The following ZNF804B variants were observed in gnomAD, a reference collection of about 807,000 sequenced individuals.
The protein encoded by ZNF804B is zinc finger protein 804B.
ZNF804B carries 80 observed loss-of-function variants against 101.4 expected under a neutral mutation model. The ratio of observed to expected loss-of-function variants is 0.79; its 90% CI spans 0.66 to 0.95. The LOEUF (loss-of-function observed/expected upper bound fraction) is 0.95. Ranked by LOEUF, ZNF804B falls within the 40% of genes least tolerant of loss-of-function variation. The pLI is 0.00. For synonymous variants in ZNF804B, 622 were observed against 558.8 expected (o/e 1.11, Z -1.59); for missense variants, 1,673 against 1,561.9 (o/e 1.07, Z -1.20).
intron 1 of ZNF804B, among the ~76,000 whole-genome samples, chr7:89,042,195 C>T (rs12538572): frequency 0.047 from 7,099 of 152,160 alleles, 252 homozygotes; most frequent in Admixed American, 0.078. Flanking sequence ...CTGTGCACTT[C>T]GAACAAGTTA....
chr7:89,238,596 A>C (rs2115756519), intron 2 of ZNF804B, among the ~76,000 whole-genome samples: 1 of 152,340 alleles, frequency 6.6e-6, no homozygotes, highest in African/African-American at 2.4e-5. Context: ...GGTGCAGTTA[A>C]AAAATCCCAA....
Position 89,335,718 on chromosome 7 carries a change from A to C in ZNF804B, c.2736A>C (p.Glu912Asp), listed in dbSNP as rs750817794. Residue 912 changes from glutamate to aspartate, a missense_variant, in exon 4 of 4, where the codon GAA becomes GAC. By Grantham distance (45) the Glu-to-Asp change is conservative (BLOSUM62 2). Coordinates refer to ENST00000333190, the MANE Select transcript of ZNF804B (RefSeq NM_181646.5). Reference protein sequence around the residue: ...NCSSGPSETTESNTAEGERTP... With the variant: ...NCSSGPSETTDSNTAEGERTP... ...CCAGTGGCCCTTCAGAAACCACAGA[A>C]TCAAACACTGCAGAAGGAGAGAGGA... is the stretch of plus-strand genomic sequence containing the variant. 1.2e-6 allele frequency: 2 copies of C among 1,613,954 alleles called. No individual in the cohort carries two copies. Among genetic ancestry groups the C allele is most frequent in the Non-Finnish European group, 1.7e-6 (2 of 1,179,976 alleles).
At chr7:88,877,060 T>TGAAAAAAAAA (rs1791964185) in intron 1 of ZNF804B, among the ~76,000 whole-genome samples, 1 of 68,240 alleles carries the variant, frequency 1.5e-5, no homozygotes, top group East Asian at 3.8e-4. Context: ...TTTTTTTTTT[T>TGAAAAAAAAA]TTTTTTTTTT....
chr7:88,800,141 G>A (rs1790555934), intron 1 of ZNF804B, among the ~76,000 whole-genome samples: 1 of 152,050 alleles, frequency 6.6e-6, no homozygotes, highest in Non-Finnish European at 1.5e-5. Context: ...CTTACAACTT[G>A]GGTACAGCCT....
At chr7:89,289,873 A>G (rs1478970935) in intron 2 of ZNF804B, among the ~76,000 whole-genome samples, 3 of 152,216 alleles carry the variant, frequency 2.0e-5, no homozygotes, top group African/African-American at 7.2e-5. Flanking sequence ...CTAAGATACC[A>G]GACAGGTGGC....
At chr7:88,854,849 G>A (rs905045045) in intron 1 of ZNF804B, among the ~76,000 whole-genome samples, 1 of 145,004 alleles carries the variant, frequency 6.9e-6, no homozygotes, top group Non-Finnish European at 1.5e-5. Context: ...GTGAGAACAC[G>A]TGGTGTTTGG....
intron 1 of ZNF804B, among the ~76,000 whole-genome samples, chr7:88,828,148 C>CA (rs1791075148): frequency 6.6e-6 from 1 of 152,102 alleles, no homozygotes; most frequent in South Asian, 2.1e-4. Context: ...CACTCTAATG[C>CA]TTTCTGATGC....
intron 1 of ZNF804B, among the ~76,000 whole-genome samples, chr7:89,021,119 A>G (rs1450679446): frequency 1.3e-5 from 2 of 152,188 alleles, no homozygotes; most frequent in Non-Finnish European, 2.9e-5. Context: ...TCATAGAGAA[A>G]GACTTATTTC....
At chr7:88,940,119 C>T (rs975475471) in intron 1 of ZNF804B, among the ~76,000 whole-genome samples, 3 of 151,356 alleles carry the variant, frequency 2.0e-5, no homozygotes, top group African/African-American at 7.3e-5. Flanking sequence ...TCATAAATAC[C>T]AAAGGATGAA....
chr7:89,145,125 T>TA (rs1554369304), intron 1 of ZNF804B, among the ~76,000 whole-genome samples: 12 of 150,996 alleles, frequency 7.9e-5, no homozygotes, highest in Middle Eastern at 3.4e-3. Context: ...TTAATTTAAT[T>TA]CAAAAAAACG....
intron 1 of ZNF804B, among the ~76,000 whole-genome samples, chr7:88,848,420 G>A (rs566779197): frequency 6.6e-6 from 1 of 152,220 alleles, no homozygotes; most frequent in Non-Finnish European, 1.5e-5. Context: ...CAACTGCATA[G>A]GTGTGAATGG....
At chr7:88,776,636 G>A (rs910998115) in intron 1 of ZNF804B, among the ~76,000 whole-genome samples, 2 of 143,404 alleles carry the variant, frequency 1.4e-5, no homozygotes, top group African/African-American at 2.7e-5. Flanking sequence ...CTGCCAAGTG[G>A]AAGGATTTTT....
intron 1 of ZNF804B, 134 bp downstream of exon 1, chr7:88,760,218 G>A (rs1586891300): frequency 1.5e-6 from 1 of 683,042 alleles, no homozygotes; most frequent in Admixed American, 2.4e-5. Flanking sequence ...CCATAGGTAT[G>A]GAGATACATC....
At chr7:89,260,107 C>T (rs1789689158) in intron 2 of ZNF804B, among the ~76,000 whole-genome samples, 1 of 152,178 alleles carries the variant, frequency 6.6e-6, no homozygotes, top group South Asian at 2.1e-4. Context: ...ATGGACAAAG[C>T]ATCAGTGAAA....
chr7:88,932,861 A>G (rs1792909018), intron 1 of ZNF804B, among the ~76,000 whole-genome samples: 1 of 151,832 alleles, frequency 6.6e-6, no homozygotes, highest in African/African-American at 2.4e-5. Flanking sequence ...TTCTCAAAGA[A>G]GAATTGGTAA....
At chr7:89,242,154 C>T (rs1355951376) in intron 2 of ZNF804B, among the ~76,000 whole-genome samples, 1 of 151,828 alleles carries the variant, frequency 6.6e-6, no homozygotes, top group African/African-American at 2.4e-5. Context: ...ATTGATGAGG[C>T]TGGGTTATTT....
rs776227909 is a variant in ZNF804B, at chr7:89,335,706, A to G, written c.2724A>G (p.Ser908=). Residue 908 remains serine (S), a synonymous_variant, in exon 4 of 4, where the codon TCA becomes TCG. Coordinates refer to ENST00000333190, the MANE Select transcript of ZNF804B (RefSeq NM_181646.5). The part of the protein sequence containing the change: ...CLLKNCSSGP[S]ETTESNTAEG... ...TAAAGAACTGTTCCAGTGGCCCTTC[A>G]GAAACCACAGAATCAAACACTGCAG... 6.2e-7 allele frequency: 1 copy of G among 1,614,070 alleles called. No individual in the cohort carries two copies. Among genetic ancestry groups the G allele is most frequent in the East Asian group, 2.2e-5 (1 of 44,864 alleles).
At chr7:89,262,130 C>A (rs1310580315) in intron 2 of ZNF804B, among the ~76,000 whole-genome samples, 1 of 152,112 alleles carries the variant, frequency 6.6e-6, no homozygotes, top group Non-Finnish European at 1.5e-5. Context: ...CTCATATTTC[C>A]CCCTTTTTCA....
chr7:89,020,795 C>G (rs961317010), intron 1 of ZNF804B, among the ~76,000 whole-genome samples: 3 of 152,066 alleles, frequency 2.0e-5, no homozygotes, highest in Admixed American at 6.6e-5. Flanking sequence ...TTGAATTCTT[C>G]AGCTGTAAGT....
Sources: gnomAD v4.1 joint callset for allele counts (sites outside exome capture counted in the v4.1 genomes callset) on GRCh38, gnomAD v4.1.1 for gene constraint, MANE v1.5 for transcripts, NCBI Gene and HGNC (gene_info 2026-07-23, HGNC 2026-07-21) for gene names.